NELL1: variants seen among roughly 807,000 people sequenced by gnomAD.
The protein encoded by NELL1 is neural EGFL like 1.
NELL1 carries 76 observed loss-of-function variants against 107.4 expected under a neutral mutation model. The observed-to-expected ratio is 0.71, with a 90% CI of 0.59 to 0.86. The LOEUF is 0.86. Ranked by LOEUF, NELL1 falls within the 40% of genes least tolerant of loss-of-function variation. NELL1 has a pLI of 0.00. For synonymous variants in NELL1, 353 were observed against 341.2 expected (o/e 1.03, Z -0.38); for missense variants, 1,024 against 1,005.5 (o/e 1.02, Z -0.25).
chr11:20,736,752 C>T (rs1436097757), intron 2 of NELL1, among the ~76,000 whole-genome samples: 1 of 145,182 alleles, frequency 6.9e-6, no homozygotes, highest in Non-Finnish European at 1.5e-5. Flanking sequence ...CCCCTCCCTT[C>T]CTCTCTCCTT....
intron 5 of NELL1, among the ~76,000 whole-genome samples, chr11:20,916,737 C>A (rs1471122823): frequency 6.6e-6 from 1 of 151,696 alleles, no homozygotes; most frequent in Non-Finnish European, 1.5e-5. Flanking sequence ...TGTTTACATT[C>A]TTTTATTATT....
chr11:21,233,332 G>A lies in NELL1; in HGVS notation c.1549+3878G>A, dbSNP rs1201269084. 6.6e-5 allele frequency among the ~76,000 whole-genome samples: 10 copies of A among 152,122 alleles called. No individual in the cohort carries two copies. The East Asian group carries it at 7.7e-4, about 12-fold the overall frequency. On this transcript the variant is annotated intron_variant, in intron 14 of 19. Transcript: ENST00000357134. ...TTCACAAGTAAATTTTAAGTAAGAC[G>A]TAGTTGAATCTGATTTAACTCAACT...
chr11:21,131,034 G>A (rs562185251), intron 13 of NELL1, among the ~76,000 whole-genome samples: 2 of 151,126 alleles, frequency 1.3e-5, no homozygotes, highest in Admixed American at 6.6e-5. Flanking sequence ...ATGTGGACTA[G>A]ACTACCACAC....
intron 2 of NELL1, among the ~76,000 whole-genome samples, chr11:20,708,846 T>C (rs769955475): frequency 3.3e-5 from 5 of 152,124 alleles, no homozygotes; most frequent in Non-Finnish European, 7.4e-5. Flanking sequence ...CAGGGACCAG[T>C]TGCATGGAAG....
chr11:21,509,648 T>A (rs1855384449), intron 15 of NELL1, among the ~76,000 whole-genome samples: 1 of 152,172 alleles, frequency 6.6e-6, no homozygotes, highest in Non-Finnish European at 1.5e-5. Flanking sequence ...ATTTAGGGAT[T>A]CATACATAAA....
chr11:21,455,009 T>TAAA (rs1853689743), intron 15 of NELL1, among the ~76,000 whole-genome samples: 1 of 152,260 alleles, frequency 6.6e-6, no homozygotes, highest in Admixed American at 6.5e-5. Flanking sequence ...TTTAATCTTT[T>TAAA]TGTCGTAGAT....
At chr11:21,091,758 G>C (rs1370322566) in intron 12 of NELL1, among the ~76,000 whole-genome samples, 1 of 152,082 alleles carries the variant, frequency 6.6e-6, no homozygotes. Context: ...GACATCCCCT[G>C]TGTTTAAAAA....
intron 12 of NELL1, among the ~76,000 whole-genome samples, chr11:21,109,411 T>C (rs74385817): frequency 0.011 from 1,663 of 152,228 alleles, 20 homozygotes; most frequent in Admixed American, 0.02. Flanking sequence ...CTGATTCAAA[T>C]TTTTAGCGTG....
intron 2 of NELL1, among the ~76,000 whole-genome samples, chr11:20,710,513 T>C (rs1855085249): frequency 6.6e-6 from 1 of 152,172 alleles, no homozygotes; most frequent in African/African-American, 2.4e-5. Flanking sequence ...TTTTCTTTTT[T>C]GTTATGTCCT....
At chr11:21,157,867 T>TATAAGTTAATGGTTAATATTAA (rs1295659587) in intron 13 of NELL1, among the ~76,000 whole-genome samples, 5 of 152,188 alleles carry the variant, frequency 3.3e-5, no homozygotes, top group African/African-American at 4.8e-5. Flanking sequence ...TTATATGAGT[T>TATAAGTTAATGGTTAATATTAA]GTATAATGGT....
At chr11:21,522,046 AGACT>A (rs2133956727) in intron 15 of NELL1, among the ~76,000 whole-genome samples, 1 of 152,230 alleles carries the variant, frequency 6.6e-6, no homozygotes, top group Admixed American at 6.5e-5. Flanking sequence ...TCCATTCTGC[AGACT>A]GTCTCTTCAC....
intron 13 of NELL1, among the ~76,000 whole-genome samples, chr11:21,139,322 C>G (rs1461563293): frequency 6.6e-6 from 1 of 152,184 alleles, no homozygotes; most frequent in Admixed American, 6.5e-5. Context: ...GGGACACTTG[C>G]TTTTCCCGGT....
At chr11:20,747,152 A>G (rs1238271022) in intron 2 of NELL1, among the ~76,000 whole-genome samples, 1 of 152,212 alleles carries the variant, frequency 6.6e-6, no homozygotes, top group African/African-American at 2.4e-5. Context: ...AGGCAATTGA[A>G]TTATTTAAAT....
chr11:21,279,052 G>A (rs367866495), intron 14 of NELL1, among the ~76,000 whole-genome samples: 1 of 152,250 alleles, frequency 6.6e-6, no homozygotes, highest in African/African-American at 2.4e-5. Flanking sequence ...AGCAAATGGT[G>A]CTAGAAAAAC....
chr11:21,099,032 G>T (rs1312429295), intron 12 of NELL1, among the ~76,000 whole-genome samples: 1 of 151,722 alleles, frequency 6.6e-6, no homozygotes, highest in Non-Finnish European at 1.5e-5. Flanking sequence ...CCTAATGTAG[G>T]ACGACCAATT....
chr11:21,256,293 A>C (rs75954382), intron 14 of NELL1, among the ~76,000 whole-genome samples: 2,548 of 152,170 alleles, frequency 0.017, 80 homozygotes, highest in African/African-American at 0.058. Flanking sequence ...AGACATAAAG[A>C]TTGGGGCAAC....
At chr11:20,979,473 C>T (rs137908822) in intron 12 of NELL1, among the ~76,000 whole-genome samples, 3 of 152,164 alleles carry the variant, frequency 2.0e-5, no homozygotes, top group African/African-American at 7.2e-5. Flanking sequence ...TATGATGTTC[C>T]CAAAACAATG....
At chr11:20,849,462 G>A (rs1271951765) in intron 4 of NELL1, among the ~76,000 whole-genome samples, 1 of 152,148 alleles carries the variant, frequency 6.6e-6, no homozygotes, top group Non-Finnish European at 1.5e-5. Flanking sequence ...TTCATACTCT[G>A]TATGTCCTTC....
At chr11:21,406,177 G>A (rs1049871607) in intron 15 of NELL1, among the ~76,000 whole-genome samples, 4 of 151,944 alleles carry the variant, frequency 2.6e-5, no homozygotes, top group African/African-American at 9.7e-5. Context: ...CTTTATGATT[G>A]TTTAGTTCCT....
Sources: gnomAD v4.1 joint callset for allele counts (sites outside exome capture counted in the v4.1 genomes callset) on GRCh38, gnomAD v4.1.1 for gene constraint, MANE v1.5 for transcripts, NCBI Gene and HGNC (gene_info 2026-07-23, HGNC 2026-07-21) for gene names.